The following RTN4 variants were observed in gnomAD, a reference collection of about 807,000 sequenced individuals.
RTN4 encodes the protein reticulon 4.
In RTN4, 32 loss-of-function variants were observed where a neutral mutation model predicts 90.4. The ratio of observed to expected loss-of-function variants is 0.35; its 90% confidence interval spans 0.27 to 0.48. The LOEUF is 0.48. Ranked by LOEUF, RTN4 falls within the 20% of genes least tolerant of loss-of-function variation. RTN4 has a pLI of 0.99. For synonymous variants in RTN4, 629 were observed against 552.5 expected (o/e 1.14, Z -1.94); for missense variants, 1,706 against 1,430.2 (o/e 1.19, Z -3.11).
At chr2:54,998,172 G>A (rs895395171) in intron 3 of RTN4, among the ~76,000 whole-genome samples, 8 of 150,968 alleles carry the variant, frequency 5.3e-5, no homozygotes, top group African/African-American at 1.9e-4. Flanking sequence ...GTAGATAAGT[G>A]ATTGTCAGGG....
chr2:55,017,483 A>G (rs1202791210), intron 3 of RTN4, among the ~76,000 whole-genome samples: 1 of 152,240 alleles, frequency 6.6e-6, no homozygotes, highest in Non-Finnish European at 1.5e-5. Flanking sequence ...TATAATGAAC[A>G]AATAATCAAT....
chr2:55,012,207 T>A (rs190927189), intron 3 of RTN4, among the ~76,000 whole-genome samples: 3 of 152,296 alleles, frequency 2.0e-5, no homozygotes, highest in African/African-American at 7.2e-5. Flanking sequence ...TGGTACTTGA[T>A]TTGGCTTAAC....
chr2:55,049,239 A>C, intron 1 of RTN4: 1 of 917,002 alleles, frequency 1.1e-6, no homozygotes, highest in Non-Finnish European at 1.3e-6. Flanking sequence ...GCCAGCCAGG[A>C]GGTGAGGAGG....
chr2:55,026,557 T>C lies in RTN4; in HGVS notation c.1542A>G (p.Thr514=). The C allele has an allele frequency of 6.2e-7, 1 of 1,613,564 alleles. No individual in the cohort carries two copies. Among genetic ancestry groups the C allele is most frequent in the Non-Finnish European group, 8.5e-7 (1 of 1,179,910 alleles). The change falls in exon 3 of 9, where the codon ACA becomes ACG. Residue 514 remains threonine, a synonymous_variant. Transcript: ENST00000337526. ...GTGCTGCTACAAGAAAAGGGTTTGA[T>C]GTTTTGGTGCTAGTATTCTTCTCTG... The part of the protein sequence containing the change: ...IVTEKNTSTK[T]SNPFLVAAQD...
chr2:55,087,697 T>C (rs1256851438), intron 1 of RTN4, among the ~76,000 whole-genome samples: 1 of 152,086 alleles, frequency 6.6e-6, no homozygotes, highest in African/African-American at 2.4e-5. Context: ...CTATCTCAAG[T>C]GCAACTGCTG....
exon 2 of RTN4, chr2:55,080,489 C>T (rs1668690809): frequency 6.6e-6 from 1 of 152,126 alleles, no homozygotes; most frequent in Admixed American, 6.5e-5. Context: ...TACCAGTTAC[C>T]TTGATTCTGT....
chr2:55,002,671 T>C (rs1016469062), intron 3 of RTN4, among the ~76,000 whole-genome samples: 1 of 152,208 alleles, frequency 6.6e-6, no homozygotes, highest in Admixed American at 6.5e-5. Context: ...GATAATTTTC[T>C]CTTTACAGAA....
intron 5 of RTN4, 137 bp from the exon 6 acceptor site, chr2:54,974,901 G>A (rs1677491616): frequency 1.5e-6 from 1 of 645,290 alleles, no homozygotes; most frequent in Non-Finnish European, 2.7e-6. Context: ...ACCATGAGCA[G>A]TTCACTATTA....
At chr2:55,093,435 T>C (rs996777288) in intron 1 of RTN4, among the ~76,000 whole-genome samples, 1 of 150,770 alleles carries the variant, frequency 6.6e-6, no homozygotes, top group Non-Finnish European at 1.5e-5. Flanking sequence ...TAAGCAATAA[T>C]GTCCCTGGGC....
intron 3 of RTN4, among the ~76,000 whole-genome samples, chr2:54,994,982 C>T (rs1236729670): frequency 2.0e-5 from 3 of 152,182 alleles, no homozygotes; most frequent in Non-Finnish European, 2.9e-5. Flanking sequence ...CAGTGGCTCA[C>T]GCCTGTAATC....
chr2:55,077,963 A>T (rs1259685674), intron 2 of RTN4, among the ~76,000 whole-genome samples: 1 of 151,878 alleles, frequency 6.6e-6, no homozygotes. Context: ...AGCTGTGAGG[A>T]TGCAAAGGCA....
At chr2:55,051,455 G>C (rs1248948086), upstream of RTN4, among the ~76,000 whole-genome samples, 3 of 152,248 alleles carry the variant, frequency 2.0e-5, no homozygotes, top group African/African-American at 4.8e-5. Context: ...GAATAAGCAT[G>C]ATCCCCATTC....
chr2:54,999,110 A>G (rs935318755), intron 3 of RTN4, among the ~76,000 whole-genome samples: 1 of 152,232 alleles, frequency 6.6e-6, no homozygotes, highest in Non-Finnish European at 1.5e-5. Context: ...CTTGTAGTTT[A>G]GAAAAAAGTA....
intron 1 of RTN4, among the ~76,000 whole-genome samples, chr2:55,037,389 A>G (rs73936812): frequency 0.032 from 4,838 of 152,286 alleles, 260 homozygotes; most frequent in African/African-American, 0.11. Flanking sequence ...GAAAACAGGG[A>G]CAGTTTCTTC....
At chr2:55,132,488 G>A in the RTN4 span, among the ~76,000 whole-genome samples, 1 of 138,938 alleles carries the variant, frequency 7.2e-6, no homozygotes, top group East Asian at 2.1e-4. Flanking sequence ...GGGCAACAGA[G>A]TGAGACTCTG....
At chr2:55,051,184 C>A (rs2104989620), upstream of RTN4, among the ~76,000 whole-genome samples, 1 of 152,314 alleles carries the variant, frequency 6.6e-6, no homozygotes, top group Non-Finnish European at 1.5e-5. Flanking sequence ...AACTAGGGAT[C>A]TGGGGCCGAC....
intron 2 of RTN4, among the ~76,000 whole-genome samples, chr2:55,072,217 T>C (rs557365578): frequency 7.3e-6 from 1 of 136,866 alleles, no homozygotes; most frequent in African/African-American, 2.7e-5. Context: ...TTATTTGTAT[T>C]TATATTTTCT....
intron 2 of RTN4, among the ~76,000 whole-genome samples, chr2:55,067,260 G>T (rs978138831): frequency 6.6e-6 from 1 of 152,106 alleles, no homozygotes. Flanking sequence ...TGACCTGCAG[G>T]ATTGCTCAAA....
rs780313953 is a variant in RTN4 at position 55,026,185 on chromosome 2, T to C, written c.1914A>G (p.Pro638=). 3.7e-6 allele frequency: 6 copies of C among 1,613,696 alleles called. No individual in the cohort carries two copies. Among genetic ancestry groups the C allele is most frequent in the Non-Finnish European group, 5.1e-6 (6 of 1,179,842 alleles). ...CATAATTAACTGAAGAAGCTTCTAA[T>C]GGTGATGAGCTGGGCTGTATCACGG... ...GASVIQPSSS[P]LEASSVNYES... The change falls in exon 3 of 9, where the codon CCA becomes CCG. Residue 638 remains proline (P), a synonymous_variant. Transcript: ENST00000337526.
Sources: allele counts gnomAD v4.1 joint callset (sites outside exome capture counted in the v4.1 genomes callset), GRCh38; gene constraint gnomAD v4.1.1; transcripts MANE v1.5; gene names NCBI Gene and HGNC (gene_info 2026-07-23, HGNC 2026-07-21).